TJP2: variants seen among roughly 807,000 people sequenced by gnomAD.
TJP2 encodes the protein tight junction protein 2.
In TJP2, 91 loss-of-function variants were observed where a neutral mutation model predicts 133.1. The ratio of observed to expected loss-of-function variants is 0.68; its 90% CI spans 0.58 to 0.81. TJP2 has a LOEUF of 0.81. Ranked by LOEUF, TJP2 falls within the 40% of genes least tolerant of loss-of-function variation. The pLI, the probability that TJP2 is intolerant of heterozygous loss-of-function variation, is 0.00. For synonymous variants in TJP2, 592 were observed against 583.4 expected, an observed-to-expected ratio of 1.01 and a Z score of -0.21; for missense variants, 1,541 against 1,565.6, an observed-to-expected ratio of 0.98 and a Z score of 0.26.
chr9:69,248,374 C>G, intron 19 of TJP2, 150 bp downstream of exon 19: 1 of 1,444,482 alleles, frequency 6.9e-7, no homozygotes, highest in Admixed American at 2.8e-5. Flanking sequence ...TGAGTCCACG[C>G]TGGCATGGTT....
intron 20 of TJP2, chr9:69,249,761 G>T: frequency 1.0e-6 from 1 of 984,436 alleles, no homozygotes; most frequent in African/African-American, 1.7e-5. Flanking sequence ...AGATTGTAAA[G>T]AAAAAGATTG....
In TJP2 at chr9:69,240,083, A is replaced by G; in HGVS notation, c.2502A>G (p.Lys834=). ...AAAGGTTAAATCCAACGTCCAACAA[A>G]AGTTCTCGAAAGTTATTTGATCAAG... ...MRQRLNPTSN[K]SSRKLFDQAN... Residue 834 remains lysine, a synonymous_variant, in exon 17 of 23, where the codon AAA becomes AAG. Coordinates refer to ENST00000377245, the MANE Select transcript of TJP2 (RefSeq NM_004817.4). The G allele has an allele frequency of 6.2e-7, 1 of 1,614,156 alleles. No homozygotes were observed. Among genetic ancestry groups the G allele is most frequent in the African/African-American group, 1.3e-5 (1 of 75,040 alleles).
In TJP2 at chr9:69,184,551, G is replaced by A. The variant is rs191392018; in HGVS notation, c.60+10119G>A. Among the ~76,000 whole-genome samples, 108 of 152,244 alleles carry A rather than the reference G, an allele frequency of 7.1e-4. No homozygotes were observed. The South Asian group carries it at 0.019, about 27-fold the overall frequency. ...TCCAAATCTCAAACACGTGTACCTC[G>A]CTGGTAGAACCCTGTTGGCAAGAGA... On this transcript the variant is annotated intron_variant, in intron 1 of 22. Coordinates refer to ENST00000377245, the MANE Select transcript of TJP2 (RefSeq NM_004817.4).
In TJP2 at chr9:69,227,825, CTGATTA is replaced by C. The variant is rs1233134698; in HGVS notation, c.1279_1284del (p.Asp427_Tyr428del). The stretch of plus-strand genomic sequence containing the variant: ...CCAGAGGAGAGACGTCATCAGTATT[CTGATTA>C]TGATTATCATTCCTCAAGTGAGAAG... On this transcript the variant is annotated inframe_deletion, in exon 8 of 23. Transcript: ENST00000377245. 8 of 1,613,828 alleles carry C rather than the reference CTGATTA, an allele frequency of 5.0e-6. No homozygotes were observed. In the African/African-American group the frequency reaches 9.3e-5, roughly 19 times the overall value.
intron 1 of TJP2, among the ~76,000 whole-genome samples, chr9:69,212,079 C>A (rs1414267351): frequency 6.6e-6 from 1 of 152,000 alleles, no homozygotes; most frequent in Non-Finnish European, 1.5e-5. Context: ...GGAGAAAAAG[C>A]CGAAAGATCC....
At chr9:69,158,243 G>A (rs1823874139) in intron 2 of TJP2, among the ~76,000 whole-genome samples, 2 of 143,892 alleles carry the variant, frequency 1.4e-5, no homozygotes, top group Non-Finnish European at 3.0e-5. Flanking sequence ...CAGGAGAATC[G>A]CTTGAATCCA....
At chr9:69,185,465 C>A (rs1171738869) in intron 1 of TJP2, among the ~76,000 whole-genome samples, 1 of 152,134 alleles carries the variant, frequency 6.6e-6, no homozygotes, top group Non-Finnish European at 1.5e-5. Flanking sequence ...TCTGGAAGGG[C>A]CTTCCAGATT....
intron 21 of TJP2, among the ~76,000 whole-genome samples, chr9:69,252,153 C>T (rs906566219): frequency 1.3e-5 from 2 of 152,024 alleles, no homozygotes; most frequent in African/African-American, 2.4e-5. Context: ...TGCCACTGCA[C>T]CCAGCTAATT....
At chr9:69,134,460 G>A (rs1197969774) in intron 1 of TJP2, among the ~76,000 whole-genome samples, 1 of 152,222 alleles carries the variant, frequency 6.6e-6, no homozygotes, top group East Asian at 1.9e-4. Flanking sequence ...TGTCTGGAGT[G>A]TGAGTGGTGT....
intron 1 of TJP2, among the ~76,000 whole-genome samples, chr9:69,122,995 C>T (rs1336820281): frequency 6.6e-6 from 1 of 152,106 alleles, no homozygotes; most frequent in Non-Finnish European, 1.5e-5. Context: ...TTTAAGGTCA[C>T]GGGTGCATTA....
chr9:69,195,776 C>T (rs17062237), intron 1 of TJP2, among the ~76,000 whole-genome samples: 57,703 of 151,950 alleles, frequency 0.38, 11,220 homozygotes, highest in South Asian at 0.44. Context: ...AAATAAAATC[C>T]GACTCGACTC....
chr9:69,140,161 G>A (rs555374519), intron 1 of TJP2, among the ~76,000 whole-genome samples: 1 of 152,222 alleles, frequency 6.6e-6, no homozygotes, highest in Admixed American at 6.5e-5. Flanking sequence ...CCCAGTCTGG[G>A]GATTCAACGA....
At chr9:69,137,239 TTCTC>T (rs147892355) in intron 1 of TJP2, among the ~76,000 whole-genome samples, 8,736 of 86,346 alleles carry the variant, frequency 0.1, 568 homozygotes, top group South Asian at 0.11. Flanking sequence ...CTTTCTTTCT[TTCTC>T]TCTCTCTTTC....
At chr9:69,139,235 A>C (rs1822910032) in intron 1 of TJP2, among the ~76,000 whole-genome samples, 1 of 152,176 alleles carries the variant, frequency 6.6e-6, no homozygotes, top group Non-Finnish European at 1.5e-5. Flanking sequence ...CAACCAACCA[A>C]ACAAAATGTT....
intron 11 of TJP2, among the ~76,000 whole-genome samples, chr9:69,232,987 T>C (rs1829904015): frequency 6.6e-6 from 1 of 152,184 alleles, no homozygotes; most frequent in South Asian, 2.1e-4. Flanking sequence ...CCCTGTCTTA[T>C]TTAAGTAAAC....
chr9:69,181,438 C>A (rs989347450), intron 1 of TJP2, among the ~76,000 whole-genome samples: 1 of 151,928 alleles, frequency 6.6e-6, no homozygotes, highest in East Asian at 1.9e-4. Context: ...TTGGTAGAGA[C>A]GGGGCTTCAC....
intron 1 of TJP2, among the ~76,000 whole-genome samples, chr9:69,144,756 C>T (rs1009090104): frequency 3.3e-5 from 5 of 152,162 alleles, no homozygotes; most frequent in Admixed American, 6.5e-5. Context: ...CTCCATGTGG[C>T]GGGGCACATG....
chr9:69,237,166 A>T, intron 14 of TJP2, 30 bp downstream of exon 14: 1 of 1,613,180 alleles, frequency 6.2e-7, no homozygotes, highest in Non-Finnish European at 8.5e-7. Context: ...CCTGGAAATG[A>T]ACTGACTGGG....
intron 1 of TJP2, among the ~76,000 whole-genome samples, chr9:69,122,521 C>T (rs1019399225): frequency 3.9e-5 from 6 of 152,172 alleles, no homozygotes; most frequent in Non-Finnish European, 8.8e-5. Context: ...AGGGAGGGGC[C>T]GAGCTTGTCA....
Sources: allele counts gnomAD v4.1 joint callset (sites outside exome capture counted in the v4.1 genomes callset), GRCh38; gene constraint gnomAD v4.1.1; transcripts MANE v1.5; gene names NCBI Gene and HGNC (gene_info 2026-07-23, HGNC 2026-07-21).